TTC39B: variants seen among roughly 807,000 people sequenced by gnomAD.
The protein encoded by TTC39B is tetratricopeptide repeat domain 39B, also known as tetratricopeptide repeat protein 39B.
A neutral mutation model predicts 96.6 loss-of-function variants in TTC39B; 92 were observed. The observed-to-expected ratio is 0.95, with a 90% CI of 0.80 to 1.13. The LOEUF (loss-of-function observed/expected upper bound fraction) is 1.13. Ranked by LOEUF, TTC39B falls within the 50% of genes most tolerant of loss-of-function variation. The probability of loss-of-function intolerance (pLI) is 0.00; values close to 1 mark genes in which losing one functional copy is unlikely to be tolerated. For synonymous variants in TTC39B, 367 were observed against 299.4 expected (o/e 1.23, Z -2.33); for missense variants, 955 against 809.3 (o/e 1.18, Z -2.18).
chr9:15,283,682 T>C (rs947045974), intron 1 of TTC39B, among the ~76,000 whole-genome samples: 3 of 152,204 alleles, frequency 2.0e-5, no homozygotes, highest in Non-Finnish European at 4.4e-5. Flanking sequence ...GGAACATATA[T>C]ACAGATCAAT....
chr9:15,171,039 C>G (rs1588827288), exon 20 of TTC39B: 1 of 152,130 alleles, frequency 6.6e-6, no homozygotes, highest in African/African-American at 2.4e-5. Context: ...GGTAGCAGAA[C>G]CAGGACCATA....
In TTC39B at chr9:15,245,676, A is replaced by C. The variant is rs578018455; in HGVS notation, c.276-19664T>G. ...CAAGAGAAATTCAAGTCTTGGTTTCATACTTTCCTGCTTTCTAAATTACAG... is the reference window on the plus strand; with the variant it reads ...CAAGAGAAATTCAAGTCTTGGTTTCCTACTTTCCTGCTTTCTAAATTACAG... On this transcript the variant is annotated intron_variant, in intron 2 of 19. Transcript: ENST00000512701. 1.1e-4 allele frequency among the ~76,000 whole-genome samples: 17 copies of C among 152,338 alleles called. No individual in the cohort carries two copies. The South Asian group carries it at 3.1e-3, about 28-fold the overall frequency.
chr9:15,211,675 A>G (rs1820209416), intron 4 of TTC39B, among the ~76,000 whole-genome samples: 1 of 152,230 alleles, frequency 6.6e-6, no homozygotes, highest in African/African-American at 2.4e-5. Context: ...GCAGATTGCA[A>G]GCAAACTGTT....
chr9:15,268,638 C>A (rs1823224864), intron 1 of TTC39B, among the ~76,000 whole-genome samples: 2 of 152,146 alleles, frequency 1.3e-5, no homozygotes, highest in African/African-American at 4.8e-5. Context: ...AAAACCAAAC[C>A]TAAGCTCCTC....
At chr9:15,247,835 AAAG>A (rs1320792487) in intron 2 of TTC39B, among the ~76,000 whole-genome samples, 7 of 150,776 alleles carry the variant, frequency 4.6e-5, no homozygotes, top group African/African-American at 1.5e-4. Flanking sequence ...TTAGGAGAAA[AAAG>A]AAGAAGAAAA....
chr9:15,246,573 C>A (rs539039107), intron 2 of TTC39B, among the ~76,000 whole-genome samples: 1 of 152,250 alleles, frequency 6.6e-6, no homozygotes, highest in East Asian at 1.9e-4. Flanking sequence ...ACTACTTGAC[C>A]AATACAACAC....
At chr9:15,237,276 C>T (rs1170147618) in intron 2 of TTC39B, among the ~76,000 whole-genome samples, 1 of 152,138 alleles carries the variant, frequency 6.6e-6, no homozygotes, top group East Asian at 1.9e-4. Context: ...GATCATGCCA[C>T]TGTATTCTAG....
intron 16 of TTC39B, among the ~76,000 whole-genome samples, chr9:15,184,446 C>A (rs1438962749): frequency 5.4e-5 from 8 of 147,060 alleles, no homozygotes; most frequent in African/African-American, 1.2e-4. Context: ...ACTCAGGAAA[C>A]CCCAGAGTGG....
In TTC39B at chr9:15,225,939, G is replaced by A. The variant is rs199947112; in HGVS notation, c.349C>T (p.Arg117Cys). Residue 117 changes from arginine (R) to cysteine (C), a missense_variant, in exon 3 of 20, where the codon CGC (arginine) becomes TGC (cysteine). Transcript: ENST00000512701. ...GACCTGCTGACAGTAGACGCTCCGC[G>A]CTGTCTGGGCGCCTGTTGTGTATCA... The A allele has an allele frequency of 3.7e-5, 60 of 1,613,724 alleles. No individual in the cohort carries two copies. Among genetic ancestry groups the A allele is most frequent in the South Asian group, 4.4e-5 (4 of 91,074 alleles).
intron 2 of TTC39B, among the ~76,000 whole-genome samples, chr9:15,229,272 A>G (rs550479887): frequency 6.6e-6 from 1 of 152,352 alleles, no homozygotes; most frequent in African/African-American, 2.4e-5. Flanking sequence ...TCTACTTGTT[A>G]TAAGAGCTTG....
intron 2 of TTC39B, among the ~76,000 whole-genome samples, chr9:15,258,476 G>A (rs1822833382): frequency 6.6e-6 from 1 of 152,198 alleles, no homozygotes; most frequent in African/African-American, 2.4e-5. Context: ...AAACATCCTA[G>A]TGAGTGATAA....
chr9:15,189,393 T>C (rs1244549179), intron 13 of TTC39B, among the ~76,000 whole-genome samples, 181 bp downstream of exon 13: 1 of 152,204 alleles, frequency 6.6e-6, no homozygotes, highest in Non-Finnish European at 1.5e-5. Flanking sequence ...TGCATAGATT[T>C]TATATAATAG....
intron 6 of TTC39B, among the ~76,000 whole-genome samples, chr9:15,209,865 G>A (rs536530352): frequency 1.3e-5 from 2 of 152,170 alleles, no homozygotes; most frequent in African/African-American, 4.8e-5. Flanking sequence ...CAATCCATGA[G>A]CAACAACAAA....
chr9:15,229,838 C>T (rs914922313), intron 2 of TTC39B, among the ~76,000 whole-genome samples: 2 of 152,126 alleles, frequency 1.3e-5, no homozygotes, highest in African/African-American at 4.8e-5. Context: ...ATTAAACACT[C>T]TTTTTGTGGG....
chr9:15,210,202 A>C (rs1820115515), intron 5 of TTC39B, 38 bp from the exon 6 acceptor site: 1 of 1,394,896 alleles, frequency 7.2e-7, no homozygotes, highest in African/African-American at 1.5e-5. Flanking sequence ...AGAAAATAGA[A>C]AAAAAAAATC....
At chr9:15,298,648 C>A (rs1203103306) in intron 1 of TTC39B, among the ~76,000 whole-genome samples, 13 of 152,144 alleles carry the variant, frequency 8.5e-5, no homozygotes, top group Non-Finnish European at 1.6e-4. Context: ...ACCCATGACA[C>A]GTGGGGATTA....
At chr9:15,300,915 A>AC (rs1824564107) in intron 1 of TTC39B, among the ~76,000 whole-genome samples, 1 of 146,822 alleles carries the variant, frequency 6.8e-6, no homozygotes, top group Non-Finnish European at 1.5e-5. Flanking sequence ...AAAAAAAAAA[A>AC]AAACCTTCCA....
At chr9:15,214,292 C>T (rs765773857) in intron 3 of TTC39B, 43 bp from the exon 4 acceptor site, 3 of 1,449,584 alleles carry the variant, frequency 2.1e-6, no homozygotes, top group South Asian at 1.1e-5. Context: ...TATAGCTTTA[C>T]GATCAGCAAG....
At chr9:15,258,014 C>T (rs1214278711) in intron 2 of TTC39B, among the ~76,000 whole-genome samples, 3 of 151,928 alleles carry the variant, frequency 2.0e-5, no homozygotes, top group Non-Finnish European at 1.5e-5. Flanking sequence ...GAGCCGAGTT[C>T]GTACCACTGC....
Sources: allele counts gnomAD v4.1 joint callset (sites outside exome capture counted in the v4.1 genomes callset), GRCh38; gene constraint gnomAD v4.1.1; transcripts MANE v1.5; gene names NCBI Gene and HGNC (gene_info 2026-07-23, HGNC 2026-07-21).